The following LIG3 variants were observed in gnomAD, a reference collection of about 807,000 sequenced individuals.
The protein encoded by LIG3 is DNA ligase 3.
Under a neutral mutation model 110.9 loss-of-function variants are expected in LIG3, and 58 were observed. The observed-to-expected ratio is 0.52, with a 90% confidence interval of 0.42 to 0.65. The LOEUF is 0.65. LIG3 is among the 30% of genes least tolerant of loss of function. LIG3 has a pLI of 0.00. For synonymous variants in LIG3, 422 were observed against 472.8 expected (o/e 0.89, Z 1.39); for missense variants, 1,094 against 1,273.8 (o/e 0.86, Z 2.15).
chr17:35,003,579 T>C (rs2090867875), intron 19 of LIG3: 1 of 162,684 alleles, frequency 6.1e-6, no homozygotes, highest in African/African-American at 2.4e-5. Flanking sequence ...TCTCCCAAAG[T>C]GCTGGGATTA....
Position 34,983,551 on chromosome 17 carries a change from A to G in LIG3, c.546A>G (p.Ala182=), listed in dbSNP as rs377402837. 44 of 1,610,920 alleles carry G rather than the reference A, an allele frequency of 2.7e-5. No individual in the cohort carries two copies. In the African/African-American group the frequency reaches 5.8e-4, roughly 21 times the overall value. The change falls in exon 2 of 20, where the codon GCA becomes GCG. Residue 182 remains alanine (A), a splice_region_variant and synonymous_variant. Coordinates refer to ENST00000378526, the MANE Select transcript of LIG3 (RefSeq NM_013975.4). ...NEKEQITQHI[A]DLSSKAAGTP... ...AGGAACAGATAACCCAGCACATTGC[A>G]GGTAAGGTAGAGAACACTGCTTTCT... is the stretch of plus-strand genomic sequence containing the variant.
rs773511730 is a variant in LIG3 at position 34,990,944 on chromosome 17, G to A, written c.890-19G>A. 1 of 1,611,578 alleles carries A rather than the reference G, an allele frequency of 6.2e-7. No individual in the cohort carries two copies. Among genetic ancestry groups the A allele is most frequent in the African/African-American group, 1.3e-5 (1 of 74,908 alleles). On this transcript the variant is annotated intron_variant, in intron 4 of 19. Coordinates refer to ENST00000378526, the MANE Select transcript of LIG3 (RefSeq NM_013975.4). ...TTGTTTAAGCTCTATTTCTCAAGAA[G>A]GGTTCCTTCTGTCTCCAGATGGTTT...
chr17:35,001,678 G>A (rs933382962), intron 17 of LIG3, among the ~76,000 whole-genome samples: 24 of 152,244 alleles, frequency 1.6e-4, no homozygotes, highest in African/African-American at 5.8e-4. Context: ...TGCTCCTGTT[G>A]CCCCAGCAAA....
intron 3 of LIG3, among the ~76,000 whole-genome samples, chr17:34,987,293 A>T (rs546930625): frequency 6.6e-6 from 1 of 152,190 alleles, no homozygotes; most frequent in African/African-American, 2.4e-5. Flanking sequence ...TTATATATGT[A>T]GTTTCATTTC....
chr17:34,996,727 G>C (rs1315217882), intron 11 of LIG3, 74 bp downstream of exon 11: 1 of 1,313,930 alleles, frequency 7.6e-7, no homozygotes, highest in East Asian at 2.3e-5. Flanking sequence ...GGAAGATGGG[G>C]GCTTCAGGTT....
intron 15 of LIG3, 25 bp downstream of exon 15, chr17:34,999,474 T>C (rs763677973): frequency 1.2e-6 from 2 of 1,610,472 alleles, no homozygotes; most frequent in East Asian, 2.2e-5. Context: ...TGGTTGGCCA[T>C]GGCCTCTGGA....
chr17:35,003,490 T>A (rs2090866879), intron 19 of LIG3: 1 of 177,806 alleles, frequency 5.6e-6, no homozygotes, highest in South Asian at 1.2e-4. Flanking sequence ...AATTTTTGTA[T>A]TTTTAGTAGA....
At chr17:34,997,943 A>T in intron 12 of LIG3, 118 bp downstream of exon 12, 1 of 810,498 alleles carries the variant, frequency 1.2e-6, no homozygotes, top group East Asian at 2.6e-5. Context: ...CCTCCTGATA[A>T]TGTTGGCCTT....
In LIG3 at chr17:34,983,066, CTG is replaced by C; in HGVS notation, c.64_65del (p.Cys22ProfsTer9). On this transcript the variant is annotated frameshift_variant, in exon 2 of 20. Transcript: ENST00000378526. LOFTEE classifies it high-confidence loss of function. ...QTLRALSRKE[L>X]CLFRKHHWRD... Reference sequence around the variant, plus strand: ...CCTCCGTGCACTCAGCCGAAAAGAACTGTGCCTATTCCGAAAACATCACTGGC... The same window carrying C: ...CCTCCGTGCACTCAGCCGAAAAGAACTGCCTATTCCGAAAACATCACTGGC... The C allele has an allele frequency of 1.2e-6, 2 of 1,612,800 alleles. No individual in the cohort carries two copies. Among genetic ancestry groups the C allele is most frequent in the Non-Finnish European group, 1.7e-6 (2 of 1,179,592 alleles).
At chr17:34,993,133 G>T (rs189722241) in intron 8 of LIG3, among the ~76,000 whole-genome samples, 1 of 152,240 alleles carries the variant, frequency 6.6e-6, no homozygotes, top group Admixed American at 6.5e-5. Flanking sequence ...GTGACAGGGT[G>T]ACTTGGGAAG....
In LIG3 at chr17:34,980,565, G is replaced by A. The variant is rs776290192; in HGVS notation, c.-62G>A. 2.6e-5 allele frequency: 34 copies of A among 1,287,484 alleles called. No individual in the cohort carries two copies. Among genetic ancestry groups the A allele is most frequent in the Non-Finnish European group, 3.1e-5 (31 of 987,774 alleles). The allele number at this position is 1,287,484 out of a possible 1,614,324, so 79.8% of individuals were successfully genotyped here. A position where few individuals can be genotyped will look rare whatever the true frequency, so the allele number is the denominator to read the frequency against. The stretch of plus-strand genomic sequence containing the variant: ...GCGCTCCAACCGTCGTGGGCTGCCC[G>A]CGGCCTGTAATGAGCAAGTTCCGAG... On this transcript the variant is annotated 5_prime_UTR_variant, in exon 1 of 20. Coordinates refer to ENST00000378526, the MANE Select transcript of LIG3 (RefSeq NM_013975.4).
chr17:34,998,991 C>T (rs1033219741), intron 14 of LIG3: 5 of 512,174 alleles, frequency 9.8e-6, no homozygotes, highest in Admixed American at 3.4e-5. Flanking sequence ...ACAGCTTTCT[C>T]CTCAGGCAAA....
Position 34,992,809 on chromosome 17 carries a change from G to A in LIG3, c.1455+117G>A, listed in dbSNP as rs560220300. On this transcript the variant is annotated intron_variant, in intron 8 of 19. Coordinates refer to ENST00000378526, the MANE Select transcript of LIG3 (RefSeq NM_013975.4). Reference sequence around the variant, plus strand: ...CTTGCAAATTGACTGGAGAAGTTTAGGGAAGGAAGAGGGAGGTGCAAGGGG... The same window carrying A: ...CTTGCAAATTGACTGGAGAAGTTTAAGGAAGGAAGAGGGAGGTGCAAGGGG... 471 of 1,072,628 alleles carry A rather than the reference G, an allele frequency of 4.4e-4. 4 individuals carry two copies. The South Asian group carries it at 9.1e-3, about 21-fold the overall frequency. 66.4% of individuals were successfully genotyped at this position (1,072,628 alleles called of 1,614,324 possible).
In LIG3 at chr17:35,004,472, G is replaced by C; in HGVS notation, c.2996G>C (p.Cys999Ser). The change falls in exon 20 of 20, where the codon TGT (cysteine) becomes TCT (serine). Residue 999 changes from cysteine (C) to serine (S), a missense_variant. Coordinates refer to ENST00000378526, the MANE Select transcript of LIG3 (RefSeq NM_013975.4). ...QQVSPEWIWA[C>S]IRKRRLVAPC ...GTCTCCCCAGAGTGGATTTGGGCAT[G>C]TATCCGGAAACGGAGACTGGTAGCT... The C allele has an allele frequency of 1.2e-6, 2 of 1,614,128 alleles. No individual in the cohort carries two copies. The highest frequency in any genetic ancestry group is 2.2e-5 in the South Asian group (2 of 91,082).
chr17:34,995,959 A>G, intron 9 of LIG3, 105 bp from the exon 10 acceptor site: 2 of 1,405,446 alleles, frequency 1.4e-6, no homozygotes, highest in Non-Finnish European at 1.9e-6. Context: ...GGCCTTCCAC[A>G]TGTTGTTCTA....
chr17:35,005,831 G>A lies in LIG3; in HGVS notation c.*1325G>A. 2.3e-6 allele frequency: 1 copy of A among 439,766 alleles called. No individual in the cohort carries two copies. Among genetic ancestry groups the A allele is most frequent in the Non-Finnish European group, 4.5e-6 (1 of 221,806 alleles). The allele number at this position is 439,766 out of a possible 1,614,324, so 27.2% of individuals were successfully genotyped here. On this transcript the variant is annotated 3_prime_UTR_variant, in exon 20 of 20. Coordinates refer to ENST00000378526, the MANE Select transcript of LIG3 (RefSeq NM_013975.4). ...TACCAATCCTCCAATATGAAATGTG[G>A]GAAAGAATGAAGAGCAGCAGTAAAA... is the stretch of plus-strand genomic sequence containing the variant.
Position 34,999,431 on chromosome 17 carries a change from CATG to C in LIG3, c.2239_2241del (p.Met747del), listed in dbSNP as rs747151779. ...TTGCCCGCCTGCAGAATGAACTAGACATGGTGAAGATCAGCAAGGTGAGGAAGG... is the reference window on the plus strand; with the variant it reads ...TTGCCCGCCTGCAGAATGAACTAGACGTGAAGATCAGCAAGGTGAGGAAGG... On this transcript the variant is annotated inframe_deletion, in exon 15 of 20. Coordinates refer to ENST00000378526, the MANE Select transcript of LIG3 (RefSeq NM_013975.4). 1 of 1,613,976 alleles carries C rather than the reference CATG, an allele frequency of 6.2e-7. No homozygotes were observed. The highest frequency in any genetic ancestry group is 1.1e-5 in the South Asian group (1 of 91,030).
chr17:35,000,751 G>C (rs2142282768), intron 16 of LIG3, among the ~76,000 whole-genome samples: 1 of 151,452 alleles, frequency 6.6e-6, no homozygotes, highest in Middle Eastern at 3.4e-3. Context: ...AAGTAGCTGG[G>C]ATTACAGGGG....
chr17:34,985,209 T>C (rs965296806), intron 2 of LIG3, among the ~76,000 whole-genome samples: 3 of 152,236 alleles, frequency 2.0e-5, no homozygotes, highest in African/African-American at 7.2e-5. Flanking sequence ...ATGCATATTT[T>C]AGAAATTTTA....
Sources: gnomAD v4.1 joint callset for allele counts (sites outside exome capture counted in the v4.1 genomes callset) on GRCh38, gnomAD v4.1.1 for gene constraint, MANE v1.5 for transcripts, NCBI Gene and HGNC (gene_info 2026-07-23, HGNC 2026-07-21) for gene names.